Variants in CLIC5 observed in about 807,000 individuals in gnomAD.
The protein encoded by CLIC5 is CLIC family member 5.
CLIC5 carries 20 observed loss-of-function variants against 24.7 expected under a neutral mutation model. The observed-to-expected ratio is 0.81, with a 90% CI of 0.57 to 1.18. CLIC5 has a LOEUF of 1.18. Ranked by LOEUF, CLIC5 falls within the 50% of genes most tolerant of loss-of-function variation. The pLI, the probability that CLIC5 is intolerant of heterozygous loss-of-function variation, is 0.00. For missense variants in CLIC5, 341 were observed against 326.1 expected (o/e 1.05, Z -0.35); for synonymous variants, 159 against 135.6 (o/e 1.17, Z -1.20).
the CLIC5 span, among the ~76,000 whole-genome samples, chr6:46,119,110 G>A: frequency 2.0e-5 from 3 of 152,208 alleles, no homozygotes; most frequent in African/African-American, 4.8e-5. Flanking sequence ...CAGAAGGAAT[G>A]TAGCCCTGCT....
At chr6:46,041,234 A>C (rs1462323029) in intron 1 of CLIC5, among the ~76,000 whole-genome samples, 2 of 152,262 alleles carry the variant, frequency 1.3e-5, no homozygotes, top group African/African-American at 4.8e-5. Context: ...ATAGAGTTTA[A>C]TAAAGGTTTC....
At chr6:45,975,640 TA>T (rs1203121560) in intron 1 of CLIC5, among the ~76,000 whole-genome samples, 5 of 151,916 alleles carry the variant, frequency 3.3e-5, no homozygotes, top group South Asian at 2.1e-4. Flanking sequence ...TTGCTAATCT[TA>T]AAAAAAATCT....
At chr6:46,113,951 G>T in the CLIC5 span, among the ~76,000 whole-genome samples, 1 of 152,210 alleles carries the variant, frequency 6.6e-6, no homozygotes. Context: ...TCTGTTACCA[G>T]AAAGTGGGGG....
At chr6:46,019,131 T>G (rs9369594), upstream of CLIC5, among the ~76,000 whole-genome samples, 9,490 of 147,794 alleles carry the variant, frequency 0.064, 410 homozygotes, top group East Asian at 0.13. Context: ...ACAAGAAATA[T>G]TCAAATAATC....
the CLIC5 span, among the ~76,000 whole-genome samples, chr6:46,096,089 C>A: frequency 2.0e-5 from 3 of 152,140 alleles, no homozygotes; most frequent in Non-Finnish European, 4.4e-5. Flanking sequence ...AAGGCAAAGC[C>A]TGAACAGTCA....
chr6:45,884,630 A>G (rs1399326016), intron 6 of CLIC5, among the ~76,000 whole-genome samples: 1 of 152,310 alleles, frequency 6.6e-6, no homozygotes, highest in South Asian at 2.1e-4. Flanking sequence ...AGACCCTCAG[A>G]ATTCAGTCAT....
At position 45,955,039 on chromosome 6, in the gene CLIC5, G is replaced by T. The variant is rs1328602231; in HGVS notation, c.173+96C>A. The T allele has an allele frequency of 2.9e-5, 23 of 780,598 alleles. No individual in the cohort carries two copies. In the East Asian group the frequency reaches 5.7e-4, roughly 19 times the overall value. 48.4% of individuals were successfully genotyped at this position (780,598 alleles called of 1,614,324 possible). On this transcript the variant is annotated intron_variant, in intron 2 of 5. Coordinates refer to ENST00000339561, the MANE Select transcript of CLIC5 (RefSeq NM_016929.5). ...TCTGGACAATGACGTGTGAGCAGGG[G>T]GCTGCTGGGAGCCACGGAAGGCTTT... is the stretch of plus-strand genomic sequence containing the variant.
At chr6:46,007,997 G>A (rs7771749) in intron 1 of CLIC5, among the ~76,000 whole-genome samples, 1 of 149,870 alleles carries the variant, frequency 6.7e-6, no homozygotes, top group Non-Finnish European at 1.5e-5. Context: ...ATTGTGCAGT[G>A]ATCAAGTCAG....
At position 46,015,551 on chromosome 6, in the gene CLIC5, C is replaced by T; in HGVS notation, c.-9G>A. On this transcript the variant is annotated 5_prime_UTR_variant, in exon 1 of 6. Transcript: ENST00000339561. ...GTCGCCGAGTCTGTCATGCCGTTGG[C>T]GCCCGGGGCTACCGTCCCGGGCCGG... The T allele has an allele frequency of 6.4e-7, 1 of 1,567,370 alleles. No homozygotes were observed.
chr6:45,979,228 C>T (rs908846680), intron 1 of CLIC5, among the ~76,000 whole-genome samples: 7 of 152,280 alleles, frequency 4.6e-5, no homozygotes, highest in African/African-American at 7.2e-5. Flanking sequence ...ACCCAGGACA[C>T]ATGTATTATA....
In CLIC5 at chr6:45,908,609, AT is replaced by A. The variant is rs1179663768; in HGVS notation, c.589-5355del. On this transcript the variant is annotated intron_variant, in intron 5 of 5. Transcript: ENST00000339561. ...AGACATCTTCTTGGTGTTGATTTCTATTTTTGTTCCACTGTGGTCCAAGAGT... is the reference window on the plus strand; with the variant it reads ...AGACATCTTCTTGGTGTTGATTTCTATTTTGTTCCACTGTGGTCCAAGAGT... Among the ~76,000 whole-genome samples, 4 of 152,012 alleles carry A rather than the reference AT, an allele frequency of 2.6e-5. No individual in the cohort carries two copies. In the East Asian group the frequency reaches 7.7e-4, roughly 29 times the overall value.
chr6:45,912,628 G>C, intron 5 of CLIC5: 1 of 1,480,364 alleles, frequency 6.8e-7, no homozygotes, highest in Non-Finnish European at 9.1e-7. Context: ...CATGCTGCTA[G>C]TTGGCAGCAA....
chr6:45,894,424 A>G (rs1037233866), downstream of CLIC5, among the ~76,000 whole-genome samples: 1 of 152,236 alleles, frequency 6.6e-6, no homozygotes, highest in Non-Finnish European at 1.5e-5. Context: ...GTAAAAAATT[A>G]GAGTGACCTT....
chr6:45,919,743 C>T (rs913266725), intron 4 of CLIC5, among the ~76,000 whole-genome samples: 1 of 152,146 alleles, frequency 6.6e-6, no homozygotes, highest in African/African-American at 2.4e-5. Context: ...AGTCTACTGT[C>T]TTGTTGAAAA....
chr6:46,083,640 CAGTT>C (rs1308542024), upstream of CLIC5, among the ~76,000 whole-genome samples: 1 of 152,116 alleles, frequency 6.6e-6, no homozygotes, highest in Non-Finnish European at 1.5e-5. Context: ...GTCTGAGAGA[CAGTT>C]TGTTATAATT....
At position 45,899,118 on chromosome 6, in the gene CLIC5, G is replaced by A. The variant is rs759003478; in HGVS notation, c.*3970C>T. The A allele has an allele frequency of 3.3e-5, 5 of 152,196 alleles. No homozygotes were observed. Among genetic ancestry groups the A allele is most frequent in the Non-Finnish European group, 7.3e-5 (5 of 68,032 alleles). The allele number at this position is 152,196 out of a possible 1,614,324, so 9.4% of individuals were successfully genotyped here. ...AAGGGGAAGAATGTGTGTTGATGAG[G>A]AGGGCACATGTTGCTTGATTTGAAT... is the stretch of plus-strand genomic sequence containing the variant. On this transcript the variant is annotated 3_prime_UTR_variant, in exon 6 of 6. Transcript: ENST00000339561.
intron 1 of CLIC5, among the ~76,000 whole-genome samples, chr6:46,011,197 T>C (rs1766795652): frequency 6.6e-6 from 1 of 152,256 alleles, no homozygotes; most frequent in Admixed American, 6.5e-5. Flanking sequence ...TGGAGTCCTG[T>C]GGATAGGGCT....
chr6:46,095,011 C>T, the CLIC5 span, among the ~76,000 whole-genome samples: 4 of 152,236 alleles, frequency 2.6e-5, no homozygotes, highest in East Asian at 1.9e-4. Flanking sequence ...CTTAACACCA[C>T]GTGGATGCCA....
At chr6:46,022,401 G>T (rs542051598) in intron 1 of CLIC5, among the ~76,000 whole-genome samples, 1 of 152,308 alleles carries the variant, frequency 6.6e-6, no homozygotes, top group African/African-American at 2.4e-5. Flanking sequence ...CTCTGCAGGA[G>T]ATCTCCCAGA....
Sources: gnomAD v4.1 joint callset for allele counts (sites outside exome capture counted in the v4.1 genomes callset) on GRCh38, gnomAD v4.1.1 for gene constraint, MANE v1.5 for transcripts, NCBI Gene and HGNC (gene_info 2026-07-23, HGNC 2026-07-21) for gene names.